The following PTN variants were observed in gnomAD, a reference collection of about 807,000 sequenced individuals.
PTN encodes heparin affin regulatory protein.
In PTN, 18 loss-of-function variants were observed where a neutral mutation model predicts 24.1. That is an observed-to-expected ratio of 0.75 (90% CI 0.52 to 1.11). The LOEUF (loss-of-function observed/expected upper bound fraction) is 1.11. Ranked by LOEUF, PTN falls within the 50% of genes least tolerant of loss-of-function variation. The pLI, the probability that PTN is intolerant of heterozygous loss-of-function variation, is 0.00. For missense variants in PTN, 163 were observed against 198.8 expected (o/e 0.82, Z 1.08); for synonymous variants, 78 against 68.6 (o/e 1.14, Z -0.67).
intron 1 of PTN, among the ~76,000 whole-genome samples, chr7:137,268,755 C>A (rs994884625): frequency 6.6e-6 from 1 of 152,148 alleles, no homozygotes; most frequent in Admixed American, 6.5e-5. Context: ...GGTTCCTAGG[C>A]GCTGGGTTAC....
At chr7:137,256,241 GGTTT>G (rs533190051) in intron 1 of PTN, among the ~76,000 whole-genome samples, 77 of 152,112 alleles carry the variant, frequency 5.1e-4, no homozygotes, top group African/African-American at 1.9e-3. Flanking sequence ...AGAATGTGCA[GGTTT>G]GTTACACAGG....
intron 4 of PTN, among the ~76,000 whole-genome samples, chr7:137,237,336 C>T (rs972494904): frequency 2.0e-5 from 3 of 152,104 alleles, no homozygotes; most frequent in African/African-American, 4.8e-5. Context: ...TGATCTCAGA[C>T]TTTCAGACTC....
At chr7:137,332,395 A>AAAC (rs138775156) in intron 1 of PTN, among the ~76,000 whole-genome samples, 58,257 of 151,770 alleles carry the variant, frequency 0.38, 11,451 homozygotes, top group South Asian at 0.47. Flanking sequence ...ATGGAAAAAA[A>AAAC]AATATTTCAT....
At chr7:137,254,123 C>A (rs549072112) in intron 2 of PTN, among the ~76,000 whole-genome samples, 1 of 151,944 alleles carries the variant, frequency 6.6e-6, no homozygotes. Context: ...CATGGTGAAA[C>A]CCCAACTCTA....
intron 1 of PTN, among the ~76,000 whole-genome samples, chr7:137,274,130 C>A (rs1329328821): frequency 2.6e-5 from 4 of 151,838 alleles, no homozygotes; most frequent in Non-Finnish European, 5.9e-5. Flanking sequence ...AAGGAAGCAC[C>A]AAGGGTTGCA....
At chr7:137,239,371 C>CTTTT (rs1339307977) in intron 4 of PTN, among the ~76,000 whole-genome samples, 10 of 129,952 alleles carry the variant, frequency 7.7e-5, no homozygotes, top group African/African-American at 2.0e-4. Flanking sequence ...ATGTAATTTT[C>CTTTT]TTTTTTATTT....
chr7:137,324,474 A>G (rs74299047), intron 1 of PTN, among the ~76,000 whole-genome samples: 10,443 of 145,474 alleles, frequency 0.072, 524 homozygotes, highest in East Asian at 0.15. Context: ...CTAAGCCCTC[A>G]TCTAAAAATT....
At chr7:137,235,523 A>C (rs1267807112) in intron 4 of PTN, among the ~76,000 whole-genome samples, 1 of 152,174 alleles carries the variant, frequency 6.6e-6, no homozygotes, top group Admixed American at 6.6e-5. Flanking sequence ...TCTTTTAAAC[A>C]TTTGCTTAAT....
At chr7:137,305,608 T>G (rs1809874954) in intron 1 of PTN, among the ~76,000 whole-genome samples, 1 of 152,074 alleles carries the variant, frequency 6.6e-6, no homozygotes, top group Non-Finnish European at 1.5e-5. Context: ...GCATTCTTCC[T>G]CTTATTTCAT....
intron 1 of PTN, among the ~76,000 whole-genome samples, chr7:137,324,310 G>T (rs146142094): frequency 6.7e-6 from 1 of 150,100 alleles, no homozygotes; most frequent in Non-Finnish European, 1.5e-5. Context: ...AAGAAGGACC[G>T]CCTAAGCCCA....
intron 1 of PTN, among the ~76,000 whole-genome samples, chr7:137,274,786 C>G (rs1190473781): frequency 2.6e-5 from 4 of 152,048 alleles, no homozygotes; most frequent in Non-Finnish European, 1.5e-5. Flanking sequence ...CATCAAAGAT[C>G]AAACACATAG....
chr7:137,242,702 C>T (rs183054047), intron 4 of PTN, among the ~76,000 whole-genome samples: 75 of 152,342 alleles, frequency 4.9e-4, no homozygotes, highest in African/African-American at 1.8e-3. Flanking sequence ...TCAGCTCTCA[C>T]TGGAGCCTCC....
chr7:137,325,616 A>C (rs1035105975), intron 1 of PTN: 4 of 152,224 alleles, frequency 2.6e-5, no homozygotes, highest in Non-Finnish European at 5.9e-5. Flanking sequence ...CACATATTTT[A>C]ATCAATATTT....
intron 1 of PTN, among the ~76,000 whole-genome samples, chr7:137,307,435 G>A (rs1809907780): frequency 6.6e-6 from 1 of 152,022 alleles, no homozygotes; most frequent in Non-Finnish European, 1.5e-5. Context: ...TAATGAAAAG[G>A]CCACCTAAAC....
intron 1 of PTN, among the ~76,000 whole-genome samples, chr7:137,263,368 T>C (rs1336244562): frequency 2.0e-5 from 3 of 152,226 alleles, no homozygotes; most frequent in Non-Finnish European, 4.4e-5. Context: ...TGATTATCTA[T>C]GTGTAGACAG....
chr7:137,241,883 A>G (rs1409698413), intron 4 of PTN, among the ~76,000 whole-genome samples: 1 of 152,122 alleles, frequency 6.6e-6, no homozygotes, highest in Non-Finnish European at 1.5e-5. Flanking sequence ...CAACCTCTTC[A>G]GGGGGCCTTC....
At chr7:137,241,866 T>C (rs1267635846) in intron 4 of PTN, among the ~76,000 whole-genome samples, 1 of 152,162 alleles carries the variant, frequency 6.6e-6, no homozygotes, top group East Asian at 1.9e-4. Context: ...ACAAGGGCAG[T>C]AATCATCAAC....
At chr7:137,239,479 C>T (rs144487135) in intron 4 of PTN, among the ~76,000 whole-genome samples, 5,220 of 151,868 alleles carry the variant, frequency 0.034, 152 homozygotes, top group East Asian at 0.08. Flanking sequence ...ATACATGTGA[C>T]GTGCTGGTGC....
At chr7:137,268,240 C>G (rs1245918322) in intron 1 of PTN, among the ~76,000 whole-genome samples, 1 of 152,060 alleles carries the variant, frequency 6.6e-6, no homozygotes, top group African/African-American at 2.4e-5. Context: ...CGCGTCGCTC[C>G]GGCTGGTTGG....
Sources: gnomAD v4.1 joint callset for allele counts (sites outside exome capture counted in the v4.1 genomes callset) on GRCh38, gnomAD v4.1.1 for gene constraint, MANE v1.5 for transcripts, NCBI Gene and HGNC (gene_info 2026-07-23, HGNC 2026-07-21) for gene names.